Variants in LUZP2 observed in about 807,000 individuals in gnomAD.
The protein encoded by LUZP2 is leucine zipper protein 2.
A neutral mutation model predicts 51.6 loss-of-function variants in LUZP2; 52 were observed. The ratio of observed to expected loss-of-function variants is 1.01; its 90% confidence interval spans 0.81 to 1.27. The LOEUF (loss-of-function observed/expected upper bound fraction) is 1.27. LUZP2 is among the 50% of genes most tolerant of loss of function. The probability of loss-of-function intolerance (pLI) is 0.00; values close to 1 mark genes in which losing one functional copy is unlikely to be tolerated. For synonymous variants in LUZP2, 154 were observed against 137.3 expected (o/e 1.12, Z -0.85); for missense variants, 436 against 395.4 (o/e 1.10, Z -0.87).
intron 7 of LUZP2, among the ~76,000 whole-genome samples, chr11:24,961,996 T>C (rs1855424223): frequency 6.6e-6 from 1 of 151,952 alleles, no homozygotes; most frequent in Non-Finnish European, 1.5e-5. Context: ...TTATTTCTCC[T>C]TCACTTATGA....
chr11:24,832,690 A>C (rs1017993342), intron 5 of LUZP2, among the ~76,000 whole-genome samples: 1 of 151,886 alleles, frequency 6.6e-6, no homozygotes, highest in Non-Finnish European at 1.5e-5. Context: ...TAGAAATAAA[A>C]AAATTAGAAT....
intron 1 of LUZP2, among the ~76,000 whole-genome samples, chr11:24,678,898 G>A (rs1198234285): frequency 6.6e-6 from 1 of 152,192 alleles, no homozygotes; most frequent in Non-Finnish European, 1.5e-5. Context: ...TGCAAAATAA[G>A]ATATAGTGCT....
rs535730265 is a variant in LUZP2, at chr11:24,972,093, A to C, written c.523-4498A>C. On this transcript the variant is annotated intron_variant, in intron 7 of 11. Transcript: ENST00000336930. ...GGAGGTGGAGTTGCAGTGAGCCGGG[A>C]TCATGCTACTGCACTCCAGCCTGGG... is the stretch of plus-strand genomic sequence containing the variant. 2.9e-3 allele frequency among the ~76,000 whole-genome samples: 378 copies of C among 131,604 alleles called. 2 individuals carry two copies. The highest frequency in any genetic ancestry group is 9.7e-3 in the African/African-American group (358 of 37,072). The allele number at this position is 131,604 out of a possible 152,430, so 86.3% of individuals were successfully genotyped here.
At chr11:24,879,657 C>A (rs1366964753) in intron 5 of LUZP2, among the ~76,000 whole-genome samples, 2 of 152,154 alleles carry the variant, frequency 1.3e-5, no homozygotes, top group Non-Finnish European at 2.9e-5. Flanking sequence ...ATTCGCATTT[C>A]TCTAATGATA....
At chr11:24,963,451 A>C (rs60138213) in intron 7 of LUZP2, among the ~76,000 whole-genome samples, 9,160 of 152,194 alleles carry the variant, frequency 0.06, 695 homozygotes, top group African/African-American at 0.18. Flanking sequence ...TTGTTTACCT[A>C]AGCAAGCCTG....
intron 4 of LUZP2, among the ~76,000 whole-genome samples, chr11:24,759,628 A>G (rs184751301): frequency 6.6e-6 from 1 of 152,174 alleles, no homozygotes; most frequent in Admixed American, 6.6e-5. Context: ...GTGAAAGAAC[A>G]GGTTATTAAT....
At chr11:24,879,378 T>C (rs537791418) in intron 5 of LUZP2, among the ~76,000 whole-genome samples, 3 of 152,338 alleles carry the variant, frequency 2.0e-5, no homozygotes, top group South Asian at 4.1e-4. Flanking sequence ...GCAATAAATA[T>C]GCATGTACGT....
intron 5 of LUZP2, among the ~76,000 whole-genome samples, chr11:24,870,509 A>ACT (rs1381387619): frequency 4.0e-5 from 6 of 150,414 alleles, no homozygotes; most frequent in Non-Finnish European, 8.9e-5. Flanking sequence ...ACACACACAC[A>ACT]CACTTCCTTG....
At chr11:24,854,734 G>T (rs1260464220) in intron 5 of LUZP2, among the ~76,000 whole-genome samples, 2 of 151,768 alleles carry the variant, frequency 1.3e-5, no homozygotes, top group African/African-American at 4.8e-5. Context: ...CCCATTTTGT[G>T]CTTGAAACCC....
chr11:25,040,744 T>C (rs1371500586), intron 9 of LUZP2, among the ~76,000 whole-genome samples: 1 of 152,166 alleles, frequency 6.6e-6, no homozygotes, highest in African/African-American at 2.4e-5. Flanking sequence ...GAAAGGGGCA[T>C]TGTCTTTGCC....
chr11:24,928,468 CTG>C (rs1265380324), intron 7 of LUZP2, among the ~76,000 whole-genome samples: 5 of 151,848 alleles, frequency 3.3e-5, no homozygotes, highest in Admixed American at 6.6e-5. Flanking sequence ...ATGTTTTTTT[CTG>C]TGTCTATTAA....
chr11:25,026,873 A>AT (rs374902498), intron 9 of LUZP2, among the ~76,000 whole-genome samples: 1 of 137,208 alleles, frequency 7.3e-6, no homozygotes, highest in African/African-American at 2.5e-5. Context: ...TTTAATTATT[A>AT]TTTTTTTTCT....
At chr11:24,860,926 C>T (rs759486860) in intron 5 of LUZP2, among the ~76,000 whole-genome samples, 68 of 152,148 alleles carry the variant, frequency 4.5e-4, no homozygotes, top group Admixed American at 2.4e-3. Context: ...AACATTTTGC[C>T]ATCAAGGGTG....
intron 3 of LUZP2, among the ~76,000 whole-genome samples, chr11:24,734,875 A>G (rs1189035138): frequency 6.6e-6 from 1 of 151,842 alleles, no homozygotes; most frequent in Non-Finnish European, 1.5e-5. Context: ...GCTCTCAATT[A>G]TTACCTTGTT....
intron 3 of LUZP2, among the ~76,000 whole-genome samples, chr11:24,735,112 G>C (rs919801039): frequency 2.0e-5 from 3 of 152,048 alleles, no homozygotes; most frequent in Non-Finnish European, 2.9e-5. Context: ...AAATTCAGGG[G>C]CTATGCTGTG....
At chr11:24,636,617 A>G (rs1855115535) in intron 1 of LUZP2, among the ~76,000 whole-genome samples, 1 of 152,300 alleles carries the variant, frequency 6.6e-6, no homozygotes, top group South Asian at 2.1e-4. Context: ...ACGTAAATGC[A>G]TATCATATTT....
At chr11:24,723,427 C>A (rs888915940) in intron 1 of LUZP2, among the ~76,000 whole-genome samples, 1 of 152,206 alleles carries the variant, frequency 6.6e-6, no homozygotes, top group Non-Finnish European at 1.5e-5. Flanking sequence ...ATATTCATTG[C>A]AGCATTACTC....
intron 10 of LUZP2, among the ~76,000 whole-genome samples, chr11:25,062,744 A>G (rs1858881535): frequency 6.6e-6 from 1 of 151,184 alleles, no homozygotes. Context: ...TGTCAGTTTT[A>G]TATACATTTC....
intron 1 of LUZP2, among the ~76,000 whole-genome samples, chr11:24,526,786 A>G (rs1424938154): frequency 6.6e-6 from 1 of 151,086 alleles, no homozygotes; most frequent in African/African-American, 2.4e-5. Context: ...TTTTGGTCCT[A>G]TTGATACAGA....
Sources: allele counts gnomAD v4.1 joint callset (sites outside exome capture counted in the v4.1 genomes callset), GRCh38; gene constraint gnomAD v4.1.1; transcripts MANE v1.5; gene names NCBI Gene and HGNC (gene_info 2026-07-23, HGNC 2026-07-21).